CPSF1: variants seen among roughly 807,000 people sequenced by gnomAD.
CPSF1 encodes the protein cleavage and polyadenylation specificity factor subunit 1.
Under a neutral mutation model 175.8 loss-of-function variants are expected in CPSF1, and 106 were observed. That is an observed-to-expected ratio of 0.60 (90% CI 0.52 to 0.71). The LOEUF is 0.71. CPSF1 is among the 30% of genes least tolerant of loss of function. CPSF1 has a pLI of 0.00. For missense variants in CPSF1, 1,734 were observed against 2,022.9 expected (o/e 0.86, Z 2.74); for synonymous variants, 1,024 against 858.3 (o/e 1.19, Z -3.37).
chr8:144,405,164 C>A (rs1554868703), intron 2 of CPSF1, among the ~76,000 whole-genome samples: 1 of 152,112 alleles, frequency 6.6e-6, no homozygotes, highest in Non-Finnish European at 1.5e-5. Flanking sequence ...GAAGAAATAA[C>A]CTTACAGTGG....
At position 144,398,001 on chromosome 8, in the gene CPSF1, C is replaced by A. The variant is rs782488037; in HGVS notation, c.2026G>T (p.Gly676Cys). Residue 676 changes from glycine (G) to cysteine (C), a missense_variant, in exon 20 of 38, where the codon GGT becomes TGT. Coordinates refer to ENST00000616140, the MANE Select transcript of CPSF1 (RefSeq NM_013291.3). ...AGCGCCAGGCGGTGGTGGCGGCCACCGTAGGAGTCACTCTTCAGCAGGAAC... is the reference window on the plus strand; with the variant it reads ...AGCGCCAGGCGGTGGTGGCGGCCACAGTAGGAGTCACTCTTCAGCAGGAAC... Reference protein sequence around the residue: ...TMFLLKSDSYGGRHHRLALHK... With the variant: ...TMFLLKSDSYCGRHHRLALHK... The A allele has an allele frequency of 7.4e-6, 12 of 1,611,550 alleles. No homozygotes were observed. Among genetic ancestry groups the A allele is most frequent in the African/African-American group, 5.3e-5 (4 of 74,866 alleles).
intron 2 of CPSF1, among the ~76,000 whole-genome samples, chr8:144,408,401 A>C (rs1455612232): frequency 6.6e-6 from 1 of 152,048 alleles, no homozygotes; most frequent in Non-Finnish European, 1.5e-5. Flanking sequence ...ACCAGCTTTC[A>C]ACCCTCCGGC....
chr8:144,395,422 G>T lies in CPSF1; in HGVS notation c.3096+13C>A, dbSNP rs782057713. On this transcript the variant is annotated intron_variant, in intron 27 of 37. Transcript: ENST00000616140. Reference sequence around the variant, plus strand: ...CCCAGAAGGTCCCTGGTGGGGTGGGGGTGGGGGCAGACCTTAGACTCCACG... The same window carrying T: ...CCCAGAAGGTCCCTGGTGGGGTGGGTGTGGGGGCAGACCTTAGACTCCACG... The T allele has an allele frequency of 6.2e-7, 1 of 1,612,782 alleles. No homozygotes were observed. Among genetic ancestry groups the T allele is most frequent in the African/African-American group, 1.3e-5 (1 of 74,936 alleles).
At position 144,396,535 on chromosome 8, in the gene CPSF1, G is replaced by A. The variant is rs372138214; in HGVS notation, c.2827-35C>T. On this transcript the variant is annotated intron_variant, in intron 25 of 37. Transcript: ENST00000616140. The stretch of plus-strand genomic sequence containing the variant: ...GGCACCGTGAGGATGCTGTGGATGA[G>A]GATGCTGCGGATGAGGCCGCGTCTC... 1.2e-4 allele frequency: 196 copies of A among 1,608,916 alleles called. No homozygotes were observed. The African/African-American group carries it at 2.1e-3, about 17-fold the overall frequency.
Position 144,398,003 on chromosome 8 carries a change from T to C in CPSF1, c.2024A>G (p.Tyr675Cys). 2.5e-6 allele frequency: 4 copies of C among 1,611,644 alleles called. No individual in the cohort carries two copies. Among genetic ancestry groups the C allele is most frequent in the Non-Finnish European group, 3.4e-6 (4 of 1,179,592 alleles). ...VTMFLLKSDSYGGRHHRLALH... is the reference protein window; with the variant it reads ...VTMFLLKSDSCGGRHHRLALH... ...CGCCAGGCGGTGGTGGCGGCCACCG[T>C]AGGAGTCACTCTTCAGCAGGAACAT... The change falls in exon 20 of 38, where the codon TAC (tyrosine) becomes TGC (cysteine). Residue 675 changes from tyrosine (Y) to cysteine (C), a missense_variant. Transcript: ENST00000616140.
chr8:144,405,631 A>G (rs1249281221), intron 2 of CPSF1, among the ~76,000 whole-genome samples: 1 of 147,968 alleles, frequency 6.8e-6, no homozygotes, highest in African/African-American at 2.6e-5. Flanking sequence ...CTCAAAAAAG[A>G]AAAAAAAAAG....
In CPSF1 at chr8:144,393,667, C is replaced by A; in HGVS notation, c.4145G>T (p.Arg1382Leu). 6.4e-7 allele frequency: 1 copy of A among 1,563,772 alleles called. No individual in the cohort carries two copies. Among genetic ancestry groups the A allele is most frequent in the Non-Finnish European group, 8.6e-7 (1 of 1,161,472 alleles). ...GCACGGGGGCGGGGCCGGGGCTCAC[C>A]GGAAGGCGCGGGGGTTGAGGCCGGC... Reference protein sequence around the residue: ...HHAGLNPRAFRMLHVDRRTLQ... With the variant: ...HHAGLNPRAFLMLHVDRRTLQ... Residue 1382 changes from arginine (R) to leucine (L), a missense_variant and splice_region_variant, in exon 36 of 38, where the codon CGG becomes CTG. Coordinates refer to ENST00000616140, the MANE Select transcript of CPSF1 (RefSeq NM_013291.3).
Position 144,400,632 on chromosome 8 carries a change from G to C in CPSF1, c.686+39C>G, listed in dbSNP as rs2116876774. 8 of 1,595,608 alleles carry C rather than the reference G, an allele frequency of 5.0e-6. No homozygotes were observed. The Middle Eastern group carries it at 1.2e-3, about 234-fold the overall frequency. On this transcript the variant is annotated intron_variant, in intron 7 of 37. Coordinates refer to ENST00000616140, the MANE Select transcript of CPSF1 (RefSeq NM_013291.3). ...CCCCACCCCAGGCAGAGGCAGCTAG[G>C]GGGCCCACAGTGCAGAGGGGCCTCC...
intron 19 of CPSF1, 68 bp downstream of exon 19, chr8:144,398,228 CCCCCCA>C (rs1820908853): frequency 1.8e-6 from 2 of 1,093,304 alleles, no homozygotes; most frequent in Non-Finnish European, 2.5e-6. Context: ...CAACCACCTC[CCCCCCA>C]CCGTCCCCAC....
At chr8:144,409,196 G>A (rs1821663027) in intron 1 of CPSF1, 24 bp from the exon 2 acceptor site, 4 of 1,528,066 alleles carry the variant, frequency 2.6e-6, no homozygotes, top group Non-Finnish European at 3.5e-6. Flanking sequence ...GGAGAGGAAG[G>A]GTGAGCGGGG....
chr8:144,398,318 G>A lies in CPSF1; in HGVS notation c.1878C>T (p.Ile626=). ...RYIVQVSPLG[I]RLLEGVNQLH... ...CCCACCTACCTCCTTCCAGCAGGCG[G>A]ATGCCCAGTGGTGACACTTGGACAA... is the stretch of plus-strand genomic sequence containing the variant. Residue 626 remains isoleucine (I), a synonymous_variant, in exon 19 of 38, where the codon ATC becomes ATT. Transcript: ENST00000616140. The A allele has an allele frequency of 1.3e-6, 2 of 1,555,224 alleles. No homozygotes were observed. The highest frequency in any genetic ancestry group is 1.1e-5 in the South Asian group (1 of 90,122).
Position 144,399,525 on chromosome 8 carries a change from G to C in CPSF1, c.1243-22C>G. The C allele has an allele frequency of 6.2e-7, 1 of 1,612,300 alleles. No homozygotes were observed. Among genetic ancestry groups the C allele is most frequent in the South Asian group, 1.1e-5 (1 of 90,884 alleles). ...CTTCCTGTGAGGCAGGAGGGGCACT[G>C]AGTGGCATGCCACAGCAGTGCCCAC... On this transcript the variant is annotated intron_variant, in intron 12 of 37. Transcript: ENST00000616140. This position sits in a 1 kb window ranked among gnomAD's most constrained non-coding sequence, Gnocchi z 6.4.
chr8:144,401,136 G>A, intron 5 of CPSF1, 61 bp from the exon 6 acceptor site: 1 of 1,591,418 alleles, frequency 6.3e-7, no homozygotes, highest in Non-Finnish European at 8.5e-7. Flanking sequence ...AAACACTTGG[G>A]GCCACAGAAC....
chr8:144,393,606 AC>A lies in CPSF1; in HGVS notation c.4146-17del. ...GTGCAGCATCCTGGGGCGTACAGGC[AC>A]AGGTGTCAGGGCAGGCTGGGGTGGA... On this transcript the variant is annotated splice_polypyrimidine_tract_variant and intron_variant, in intron 36 of 37. Transcript: ENST00000616140. 6.3e-7 allele frequency: 1 copy of A among 1,599,842 alleles called. No homozygotes were observed. Among genetic ancestry groups the A allele is most frequent in the Non-Finnish European group, 8.5e-7 (1 of 1,176,924 alleles).
Position 144,402,451 on chromosome 8 carries a change from C to G in CPSF1, c.145-778G>C, listed in dbSNP as rs183122574. On this transcript the variant is annotated intron_variant, in intron 2 of 37. Transcript: ENST00000616140. ...TCCCAAGTAGCTGGGATTACAGGTGCGTGCCACCATGTCCGGCTAATTTTT... is the reference window on the plus strand; with the variant it reads ...TCCCAAGTAGCTGGGATTACAGGTGGGTGCCACCATGTCCGGCTAATTTTT... 3.3e-5 allele frequency among the ~76,000 whole-genome samples: 5 copies of G among 152,202 alleles called. No homozygotes were observed. In the South Asian group the frequency reaches 8.3e-4, roughly 25 times the overall value.
In CPSF1 at chr8:144,401,091, G is replaced by A; in HGVS notation, c.388-16C>T. 2 of 1,603,862 alleles carry A rather than the reference G, an allele frequency of 1.2e-6. No individual in the cohort carries two copies. The highest frequency in any genetic ancestry group is 1.1e-5 in the South Asian group (1 of 90,216). On this transcript the variant is annotated splice_polypyrimidine_tract_variant and intron_variant, in intron 5 of 37. Transcript: ENST00000616140. ...CAAACCCGTCCTGGGGGCAGAGGGG[G>A]CATCAGCCAGGCCCAGCATAGGAGA...
At position 144,398,629 on chromosome 8, in the gene CPSF1, G is replaced by A. The variant is rs1025683395; in HGVS notation, c.1648C>T (p.Pro550Ser). ...APVRKEEEDN[P>S]KGEGTEQEPS... Reference sequence around the variant, plus strand: ...TCCTGCTCTGTGCCCTCCCCCTTGGGATTGTCCTCCTGTCAGGGCCAAAGG... The same window carrying A: ...TCCTGCTCTGTGCCCTCCCCCTTGGAATTGTCCTCCTGTCAGGGCCAAAGG... Residue 550 changes from proline to serine, a missense_variant, in exon 18 of 38, where the codon CCC becomes TCC. By Grantham distance (74) the Pro-to-Ser change is moderately conservative. This residue lies in a region of CPSF1 where 280 missense variants were observed against 349.2 expected (regional missense o/e 0.80). Transcript: ENST00000616140. 5 of 1,613,740 alleles carry A rather than the reference G, an allele frequency of 3.1e-6. No individual in the cohort carries two copies. Among genetic ancestry groups the A allele is most frequent in the Non-Finnish European group, 4.2e-6 (5 of 1,179,992 alleles).
intron 9 of CPSF1, 23 bp downstream of exon 9, chr8:144,400,143 C>CCG (rs1387554703): frequency 0.021 from 25,934 of 1,222,502 alleles, 1,243 homozygotes; most frequent in Non-Finnish European, 0.026. Context: ...GGGCCCCCCC[C>CCG]GCCCCAGCCA....
chr8:144,400,336 C>T lies in CPSF1; in HGVS notation c.826+18G>A. ...TGCTCTCTCCACACACTCCCCTATCCACTCCCAGGACACACACCTATGGGC... is the reference window on the plus strand; with the variant it reads ...TGCTCTCTCCACACACTCCCCTATCTACTCCCAGGACACACACCTATGGGC... On this transcript the variant is annotated intron_variant, in intron 8 of 37. Coordinates refer to ENST00000616140, the MANE Select transcript of CPSF1 (RefSeq NM_013291.3). 6.2e-7 allele frequency: 1 copy of T among 1,613,762 alleles called. No homozygotes were observed. Among genetic ancestry groups the T allele is most frequent in the Non-Finnish European group, 8.5e-7 (1 of 1,179,920 alleles).
Sources: gnomAD v4.1 joint callset for allele counts (sites outside exome capture counted in the v4.1 genomes callset) on GRCh38, gnomAD v4.1.1 for gene constraint, gnomAD v4.1.1 regional missense constraint, Gnocchi (gnomAD v3.1) non-coding constraint, MANE v1.5 for transcripts, NCBI Gene and HGNC (gene_info 2026-07-23, HGNC 2026-07-21) for gene names.